The following MAGI2 variants were observed in gnomAD, a reference collection of about 807,000 sequenced individuals.
MAGI2 encodes the protein membrane associated guanylate kinase, WW and PDZ domain containing 2.
A neutral mutation model predicts 133.3 loss-of-function variants in MAGI2; 35 were observed. That is an observed-to-expected ratio of 0.26 (90% CI 0.20 to 0.35). The LOEUF is 0.35. MAGI2 is among the 10% of genes least tolerant of loss of function. MAGI2 has a pLI of 1.00. For missense variants in MAGI2, 1,636 were observed against 1,863.4 expected (o/e 0.88, Z 2.25); for synonymous variants, 729 against 710.6 (o/e 1.03, Z -0.41).
chr7:78,535,291 A>G (rs999015771), intron 3 of MAGI2, among the ~76,000 whole-genome samples: 1 of 152,296 alleles, frequency 6.6e-6, no homozygotes, highest in Non-Finnish European at 1.5e-5. Context: ...CACTCAGGCT[A>G]GAGATAATAT....
In MAGI2 at chr7:79,230,049, T is replaced by G. The variant is rs1265092045; in HGVS notation, c.302-222843A>C. On this transcript the variant is annotated intron_variant, in intron 1 of 21. Transcript: ENST00000354212. ...TGAGTGAGAATATGCGGTGTTTGGT[T>G]TTTTGTTCTTGCGATAGTTTACTGA... is the stretch of plus-strand genomic sequence containing the variant. 9.3e-5 allele frequency among the ~76,000 whole-genome samples: 14 copies of G among 150,044 alleles called. No individual in the cohort carries two copies. In the East Asian group the frequency reaches 2.8e-3, roughly 30 times the overall value.
intron 10 of MAGI2, among the ~76,000 whole-genome samples, chr7:78,244,187 A>G (rs1409537512): frequency 1.4e-5 from 2 of 147,752 alleles, no homozygotes; most frequent in Non-Finnish European, 1.5e-5. Flanking sequence ...AAAAAAAAAA[A>G]AAAAAAGAAA....
rs1800824964 is a variant in MAGI2 at position 78,939,779 on chromosome 7, C to T, written c.418+67311G>A. The T allele has an allele frequency of 2.0e-5, 3 of 152,114 alleles. No homozygotes were observed. The South Asian group carries it at 6.2e-4, about 32-fold the overall frequency. The allele number at this position is 152,114 out of a possible 1,614,324, so 9.4% of individuals were successfully genotyped here. A position where few individuals can be genotyped will look rare whatever the true frequency, so the allele number is the denominator to read the frequency against. On this transcript the variant is annotated intron_variant, in intron 2 of 21. Coordinates refer to ENST00000354212, the MANE Select transcript of MAGI2 (RefSeq NM_012301.4). Reference sequence around the variant, plus strand: ...GTATCATGTTTCTTGCATCTAACATCAGCTCAGAAAAGCTCCTCGGGATTC... The same window carrying T: ...GTATCATGTTTCTTGCATCTAACATTAGCTCAGAAAAGCTCCTCGGGATTC...
At chr7:78,337,623 T>C (rs1789908283) in intron 9 of MAGI2, among the ~76,000 whole-genome samples, 1 of 152,234 alleles carries the variant, frequency 6.6e-6, no homozygotes, top group Non-Finnish European at 1.5e-5. Flanking sequence ...TCAATACCAA[T>C]GACTTATCAT....
At chr7:78,279,977 C>T (rs1795404885) in intron 9 of MAGI2, among the ~76,000 whole-genome samples, 2 of 152,124 alleles carry the variant, frequency 1.3e-5, no homozygotes, top group South Asian at 4.1e-4. Flanking sequence ...TAAGCAAACT[C>T]AGCTTAAACA....
intron 2 of MAGI2, among the ~76,000 whole-genome samples, chr7:78,943,580 T>C (rs1032382651): frequency 6.6e-6 from 1 of 152,200 alleles, no homozygotes; most frequent in Non-Finnish European, 1.5e-5. Context: ...AAAGTATGCT[T>C]TTAATGTTTT....
At chr7:78,657,490 A>G (rs1812431428) in intron 2 of MAGI2, among the ~76,000 whole-genome samples, 1 of 152,238 alleles carries the variant, frequency 6.6e-6, no homozygotes, top group Non-Finnish European at 1.5e-5. Flanking sequence ...AGTGCTAAAA[A>G]GAAATGAGCT....
chr7:79,264,044 A>AT (rs927074420), intron 1 of MAGI2, among the ~76,000 whole-genome samples: 2 of 152,138 alleles, frequency 1.3e-5, no homozygotes, highest in African/African-American at 2.4e-5. Context: ...AAGCCACCAC[A>AT]TTTTTTTAAA....
At chr7:78,530,329 C>G (rs1797357249) in intron 3 of MAGI2, among the ~76,000 whole-genome samples, 1 of 152,238 alleles carries the variant, frequency 6.6e-6, no homozygotes, top group Admixed American at 6.5e-5. Context: ...TAGCAACACT[C>G]TCTCATTCTG....
chr7:78,970,239 A>G (rs1052149505), intron 2 of MAGI2, among the ~76,000 whole-genome samples: 3 of 152,130 alleles, frequency 2.0e-5, no homozygotes, highest in Non-Finnish European at 4.4e-5. Flanking sequence ...AATATTTATA[A>G]GTGACAGATA....
rs1361378575 is a variant in MAGI2 at position 78,649,222 on chromosome 7, T to TAAA, written c.419-21986_419-21984dup. ...GTTTCTTTTTTGGGATGACTTGTGG[T>TAAA]AAAAAAAAAAAAAGAAAAAAAAAGA... On this transcript the variant is annotated intron_variant, in intron 2 of 21. Coordinates refer to ENST00000354212, the MANE Select transcript of MAGI2 (RefSeq NM_012301.4). 2.1e-3 allele frequency among the ~76,000 whole-genome samples: 95 copies of TAAA among 45,046 alleles called. 2 individuals are homozygous for TAAA. The highest frequency in any genetic ancestry group is 0.019 in the East Asian group (38 of 1,968). 29.6% of individuals were successfully genotyped at this position (45,046 alleles called of 152,430 possible).
At chr7:78,849,603 G>A (rs1301427669) in intron 2 of MAGI2, among the ~76,000 whole-genome samples, 1 of 152,058 alleles carries the variant, frequency 6.6e-6, no homozygotes, top group Non-Finnish European at 1.5e-5. Context: ...GAAACCAGGT[G>A]TGTCATACTA....
intron 7 of MAGI2, among the ~76,000 whole-genome samples, chr7:78,355,656 T>C (rs1029725353): frequency 1.3e-5 from 2 of 152,210 alleles, no homozygotes; most frequent in Non-Finnish European, 2.9e-5. Context: ...GTGATTCTGC[T>C]TCAAATATAC....
intron 4 of MAGI2, among the ~76,000 whole-genome samples, chr7:78,514,962 C>T (rs187633473): frequency 5.9e-5 from 9 of 152,174 alleles, no homozygotes; most frequent in Non-Finnish European, 1.2e-4. Flanking sequence ...TCTTTGTTGG[C>T]GAAGGTAGCT....
chr7:78,447,557 G>A (rs1245468785), intron 6 of MAGI2, among the ~76,000 whole-genome samples: 1 of 152,052 alleles, frequency 6.6e-6, no homozygotes, highest in South Asian at 2.1e-4. Flanking sequence ...GAGGTCAGCG[G>A]GGGAGGTATG....
chr7:78,515,435 A>G (rs1188740024), intron 4 of MAGI2, among the ~76,000 whole-genome samples: 1 of 152,158 alleles, frequency 6.6e-6, no homozygotes, highest in Non-Finnish European at 1.5e-5. Context: ...CTGCATATTG[A>G]ATATACTGAA....
rs191590286 is a variant in MAGI2 at position 78,246,758 on chromosome 7, C to T, written c.2047+9185G>A. ...CCCACGATCTGACTTGACGCTATGT[C>T]GTATTGGCTCTGGTTCACAAATTGC... is the stretch of plus-strand genomic sequence containing the variant. On this transcript the variant is annotated intron_variant, in intron 10 of 21. Coordinates refer to ENST00000354212, the MANE Select transcript of MAGI2 (RefSeq NM_012301.4). Among the ~76,000 whole-genome samples, 6 of 152,334 alleles carry T rather than the reference C, an allele frequency of 3.9e-5. No homozygotes were observed. In the East Asian group the frequency reaches 7.7e-4, roughly 20 times the overall value.
chr7:79,033,842 T>G (rs183675720), intron 1 of MAGI2, among the ~76,000 whole-genome samples: 18 of 152,262 alleles, frequency 1.2e-4, no homozygotes, highest in Middle Eastern at 3.4e-3. Flanking sequence ...GTAAATAAAT[T>G]AAGGGTAAAA....
intron 1 of MAGI2, among the ~76,000 whole-genome samples, chr7:79,093,880 A>C (rs557438893): frequency 6.6e-6 from 1 of 151,912 alleles, no homozygotes; most frequent in South Asian, 2.1e-4. Flanking sequence ...ACACCCAGCT[A>C]ATTTTTGTAT....
Sources: allele counts gnomAD v4.1 joint callset (sites outside exome capture counted in the v4.1 genomes callset), GRCh38; gene constraint gnomAD v4.1.1; transcripts MANE v1.5; gene names NCBI Gene and HGNC (gene_info 2026-07-23, HGNC 2026-07-21).